The following USP6NL variants were observed in gnomAD, a reference collection of about 807,000 sequenced individuals.
The protein encoded by USP6NL is USP6 N-terminal like, also known as USP6 N-terminal-like protein.
USP6NL carries 26 observed loss-of-function variants against 61.9 expected under a neutral mutation model. The observed-to-expected ratio is 0.42, with a 90% CI of 0.31 to 0.58. The LOEUF is 0.58. Among genes scored for constraint, USP6NL ranks in the 20% least tolerant of loss-of-function variants. The probability of loss-of-function intolerance (pLI) is 0.16; values close to 1 mark genes in which losing one functional copy is unlikely to be tolerated. For missense variants in USP6NL, 1,114 were observed against 1,034.3 expected, an observed-to-expected ratio of 1.08 and a Z score of -1.06; for synonymous variants, 432 against 390.1, an observed-to-expected ratio of 1.11 and a Z score of -1.27.
Position 11,463,321 on chromosome 10 carries a change from G to A in USP6NL, c.1607C>T (p.Ala536Val), listed in dbSNP as rs1424257934. ...CCGCTTCCCGTCCTCAGCATCCAGG[G>A]CCTTCATCTTTGGCCGCACGTTTGA... is the stretch of plus-strand genomic sequence containing the variant. ...RVSNVRPKMKALDAEDGKRGS... is the reference protein window; with the variant it reads ...RVSNVRPKMKVLDAEDGKRGS... The change falls in exon 15 of 15, where the codon GCC (alanine) becomes GTC (valine). Residue 536 changes from alanine (A) to valine (V), a missense_variant. Ala to Val is a moderately conservative substitution (Grantham distance 64, BLOSUM62 0). Coordinates refer to ENST00000609104, the MANE Select transcript of USP6NL (RefSeq NM_014688.5). This position sits in a 1 kb window ranked among gnomAD's most constrained non-coding sequence, Gnocchi z 6.3. 3 of 1,613,928 alleles carry A rather than the reference G, an allele frequency of 1.9e-6. 1 individual carries two copies. The South Asian group carries it at 3.3e-5, about 18-fold the overall frequency.
chr10:11,546,437 T>C (rs1043928301), intron 2 of USP6NL, among the ~76,000 whole-genome samples: 1 of 151,890 alleles, frequency 6.6e-6, no homozygotes, highest in Non-Finnish European at 1.5e-5. Flanking sequence ...AGTCTTGATC[T>C]GTCGCCCAGG....
At chr10:11,545,795 A>C (rs955378620) in intron 2 of USP6NL, among the ~76,000 whole-genome samples, 1 of 152,320 alleles carries the variant, frequency 6.6e-6, no homozygotes, top group East Asian at 1.9e-4. Flanking sequence ...TTTTGTTTTT[A>C]AAAATGCTTG....
At chr10:11,555,433 A>AATATATATATATATATATAT (rs1157927483) in intron 2 of USP6NL, among the ~76,000 whole-genome samples, 7 of 49,024 alleles carry the variant, frequency 1.4e-4, no homozygotes, top group African/African-American at 3.8e-4. Context: ...AAAAAAAAAA[A>AATATATATATATATATATAT]ATATATATAT....
chr10:11,569,735 G>C (rs987516604), intron 2 of USP6NL, among the ~76,000 whole-genome samples: 1 of 152,232 alleles, frequency 6.6e-6, no homozygotes, highest in African/African-American at 2.4e-5. Flanking sequence ...GAGAGATTCA[G>C]TGATACAGCC....
intron 2 of USP6NL, among the ~76,000 whole-genome samples, chr10:11,557,760 A>G (rs1836770439): frequency 6.6e-6 from 1 of 152,196 alleles, no homozygotes; most frequent in East Asian, 1.9e-4. Flanking sequence ...CAGTGCACAC[A>G]TGGCATACTA....
rs1188082359 is a variant in USP6NL at position 11,485,201 on chromosome 10, T to C, written c.793A>G (p.Met265Val). Reference protein sequence around the residue: ...SQEIYTSFYTMKWFFQCFLDR... With the variant: ...SQEIYTSFYTVKWFFQCFLDR... ...AGGAAACACTGAAAAAACCATTTCA[T>C]TGTGTAAAAACTTGTGTAGATTTCT... The change falls in exon 12 of 15, where the codon ATG (methionine) becomes GTG (valine). Residue 265 changes from methionine to valine, a missense_variant. Coordinates refer to ENST00000609104, the MANE Select transcript of USP6NL (RefSeq NM_014688.5). The surrounding 1 kb of genome is among the most constrained non-coding windows in gnomAD (Gnocchi z 4.8). The C allele has an allele frequency of 1.3e-6, 2 of 1,536,436 alleles. No homozygotes were observed. The highest frequency in any genetic ancestry group is 1.7e-6 in the Non-Finnish European group (2 of 1,144,094).
In USP6NL at chr10:11,528,077, G is replaced by A. The variant is rs891017812; in HGVS notation, c.5-510C>T. Among the ~76,000 whole-genome samples the A allele has an allele frequency of 3.3e-5, 5 of 151,086 alleles. No individual in the cohort carries two copies. Among genetic ancestry groups the A allele is most frequent in the South Asian group, 4.2e-4 (2 of 4,766 alleles). Reference sequence around the variant, plus strand: ...CAACTGCTATAACAATCTCCTAACCGGTCTCTAGGACTCCAGTTTTATCAT... The same window carrying A: ...CAACTGCTATAACAATCTCCTAACCAGTCTCTAGGACTCCAGTTTTATCAT... On this transcript the variant is annotated intron_variant, in intron 2 of 14. Coordinates refer to ENST00000609104, the MANE Select transcript of USP6NL (RefSeq NM_014688.5). The surrounding 1 kb of genome is among the most constrained non-coding windows in gnomAD (Gnocchi z 4.6).
At chr10:11,488,012 G>GATATTAAC (rs2133251175) in intron 10 of USP6NL, among the ~76,000 whole-genome samples, 1 of 152,222 alleles carries the variant, frequency 6.6e-6, no homozygotes, top group Non-Finnish European at 1.5e-5. Flanking sequence ...TTTTAAATTT[G>GATATTAAC]ATATTAACAC....
At chr10:11,488,608 C>T (rs181005320) in intron 10 of USP6NL, among the ~76,000 whole-genome samples, 14 of 152,260 alleles carry the variant, frequency 9.2e-5, no homozygotes, top group Admixed American at 9.2e-4. Context: ...ACAAAAACTA[C>T]ACTTGAAATA....
rs1835148609 is a variant in USP6NL at position 11,520,189 on chromosome 10, T to G, written c.156-1615A>C. Reference sequence around the variant, plus strand: ...AGATCTCAGATCATGCAGGAGTATATGAAGAAAAGGGACGGAGGCTGAGAA... The same window carrying G: ...AGATCTCAGATCATGCAGGAGTATAGGAAGAAAAGGGACGGAGGCTGAGAA... On this transcript the variant is annotated intron_variant, in intron 4 of 14. Coordinates refer to ENST00000609104, the MANE Select transcript of USP6NL (RefSeq NM_014688.5). The surrounding 1 kb of genome is among the most constrained non-coding windows in gnomAD (Gnocchi z 5.2). Among the ~76,000 whole-genome samples the G allele has an allele frequency of 6.6e-6, 1 of 152,148 alleles. No individual in the cohort carries two copies. Among genetic ancestry groups the G allele is most frequent in the Non-Finnish European group, 1.5e-5 (1 of 68,032 alleles).
chr10:11,466,049 C>G lies in USP6NL; in HGVS notation c.1079-2200G>C, dbSNP rs565653951. On this transcript the variant is annotated intron_variant, in intron 14 of 14. Transcript: ENST00000609104. ...GGAAGGTAGACACAGGCAGTAACAA[C>G]CCTATAGGGGCATTTAGAGTTCCAA... Among the ~76,000 whole-genome samples, 4 of 152,234 alleles carry G rather than the reference C, an allele frequency of 2.6e-5. No homozygotes were observed. The East Asian group carries it at 7.7e-4, about 29-fold the overall frequency.
chr10:11,527,658 A>G, intron 2 of USP6NL, 91 bp from the exon 3 acceptor site: 1 of 1,119,356 alleles, frequency 8.9e-7, no homozygotes. Context: ...AAAACAAAAA[A>G]TAAATACTGC....
At position 11,532,061 on chromosome 10, in the gene USP6NL, AG is replaced by A. The variant is rs1021428681; in HGVS notation, c.5-4495del. 7 of 737,096 alleles carry A rather than the reference AG, an allele frequency of 9.5e-6. No homozygotes were observed. The African/African-American group carries it at 1.1e-4, about 11-fold the overall frequency. 45.7% of individuals were successfully genotyped at this position (737,096 alleles called of 1,614,324 possible). A position where few individuals can be genotyped will look rare whatever the true frequency, so the allele number is the denominator to read the frequency against. ...AAACTGCAATGAAAAATTCATACAA[AG>A]TTACTAAGGTTCATTTCCAATAAAA... On this transcript the variant is annotated intron_variant, in intron 2 of 14. Transcript: ENST00000609104. This position sits in a 1 kb window ranked among gnomAD's most constrained non-coding sequence, Gnocchi z 4.1.
At chr10:11,538,547 T>A (rs1207845184) in intron 2 of USP6NL, among the ~76,000 whole-genome samples, 2 of 152,170 alleles carry the variant, frequency 1.3e-5, no homozygotes, top group Admixed American at 1.3e-4. Context: ...TTACTAAAAA[T>A]TAATTACTAA....
In USP6NL at chr10:11,509,649, A is replaced by C; in HGVS notation, c.222T>G (p.Thr74=). Residue 74 remains threonine (T), a synonymous_variant, in exon 6 of 15, where the codon ACT becomes ACG. Transcript: ENST00000609104. The stretch of plus-strand genomic sequence containing the variant: ...CTTTCAGCATTTTCAGCCATTTGGT[A>C]GTTCTTTCAATTTCCAGGTGCTTTT... The part of the protein sequence containing the change: ...ERQKHLEIER[T]TKWLKMLKGW... The C allele has an allele frequency of 1.3e-6, 2 of 1,568,202 alleles. No homozygotes were observed. Among genetic ancestry groups the C allele is most frequent in the East Asian group, 2.3e-5 (1 of 43,490 alleles).
At chr10:11,516,204 C>T (rs1036016543) in intron 5 of USP6NL, among the ~76,000 whole-genome samples, 1 of 152,150 alleles carries the variant, frequency 6.6e-6, no homozygotes, top group African/African-American at 2.4e-5. Context: ...ATACCACTCT[C>T]CCTATTTTAA....
In USP6NL at chr10:11,528,128, G is replaced by GACACACACACACAC. The variant is rs142649349; in HGVS notation, c.5-575_5-562dup. Among the ~76,000 whole-genome samples the GACACACACACACAC allele has an allele frequency of 5.6e-5, 8 of 142,176 alleles. No individual in the cohort carries two copies. The highest frequency in any genetic ancestry group is 1.1e-4 in the Non-Finnish European group (7 of 64,630). 93.3% of individuals were successfully genotyped at this position (142,176 alleles called of 152,430 possible). ...ACATATGTGTGTGGACACACACACA[G>GACACACACACACAC]ACACACACACACACACACACACACA... On this transcript the variant is annotated intron_variant, in intron 2 of 14. Transcript: ENST00000609104. The surrounding 1 kb of genome is among the most constrained non-coding windows in gnomAD (Gnocchi z 4.6).
chr10:11,590,611 A>G (rs1003791073), intron 2 of USP6NL, among the ~76,000 whole-genome samples: 15 of 152,328 alleles, frequency 9.8e-5, no homozygotes, highest in African/African-American at 3.6e-4. Flanking sequence ...AAGTTAATGT[A>G]AAAGAGATAC....
chr10:11,502,149 C>G (rs1834226036), intron 6 of USP6NL, among the ~76,000 whole-genome samples: 1 of 151,718 alleles, frequency 6.6e-6, no homozygotes, highest in Non-Finnish European at 1.5e-5. Flanking sequence ...GTCCCAGCTA[C>G]TCGGGAGGCT....
Sources: gnomAD v4.1 joint callset for allele counts (sites outside exome capture counted in the v4.1 genomes callset) on GRCh38, gnomAD v4.1.1 for gene constraint, Gnocchi (gnomAD v3.1) non-coding constraint, MANE v1.5 for transcripts, NCBI Gene and HGNC (gene_info 2026-07-23, HGNC 2026-07-21) for gene names.